The following CSF2RA variants were observed in gnomAD, a reference collection of about 807,000 sequenced individuals.
CSF2RA encodes the protein colony stimulating factor 2 receptor subunit alpha.
In CSF2RA, 42 loss-of-function variants were observed where a neutral mutation model predicts 51.6. The observed-to-expected ratio is 0.81, with a 90% CI of 0.64 to 1.05. CSF2RA has a LOEUF of 1.05. CSF2RA is among the 50% of genes least tolerant of loss of function. The pLI is 0.00. For missense variants in CSF2RA, 530 were observed against 501.1 expected (o/e 1.06, Z -0.55); for synonymous variants, 222 against 193.0 (o/e 1.15, Z -1.24).
chrX:1,315,415 G>C, the CSF2RA span, among the ~76,000 whole-genome samples: 6 of 151,844 alleles, frequency 4.0e-5, no homozygotes, highest in African/African-American at 1.5e-4. Flanking sequence ...ATTTTATTTT[G>C]TTTTAAGAGA....
downstream of CSF2RA, chrX:1,310,344 A>G (rs1263253650): frequency 1.4e-5 from 2 of 147,784 alleles, no homozygotes; most frequent in Admixed American, 7.0e-5. Flanking sequence ...CCTGGGCAAC[A>G]AGAGCAAAAC....
chrX:1,300,709 G>T, intron 10 of CSF2RA, 83 bp downstream of exon 10: 1 of 1,581,328 alleles, frequency 6.3e-7, no homozygotes, highest in East Asian at 2.2e-5. Context: ...GCTCTGTCCT[G>T]GGCGCTGAGA....
chrX:1,308,789 C>T (rs1443889210), intron 12 of CSF2RA, among the ~76,000 whole-genome samples: 10 of 152,136 alleles, frequency 6.6e-5, no homozygotes, highest in African/African-American at 2.2e-4. Context: ...TTCAACCTTC[C>T]CTTCTCTGAG....
At chrX:1,314,967 A>ACGGCAC (rs1569515159), downstream of CSF2RA, among the ~76,000 whole-genome samples, 268 of 105,286 alleles carry the variant, frequency 2.5e-3, 43 homozygotes, top group East Asian at 0.035. Context: ...GCCCAACCCC[A>ACGGCAC]CTGTGCCTGC....
intron 4 of CSF2RA, among the ~76,000 whole-genome samples, chrX:1,286,609 C>T (rs374922208): frequency 5.9e-5 from 9 of 151,754 alleles, no homozygotes; most frequent in South Asian, 2.1e-4. Flanking sequence ...TAAATAAAAG[C>T]GAGAGGGCCA....
intron 7 of CSF2RA, 35 bp downstream of exon 7, chrX:1,290,544 T>C (rs1210499947): frequency 1.9e-6 from 3 of 1,602,496 alleles, no homozygotes; most frequent in Admixed American, 1.7e-5. Flanking sequence ...CTATTGTTTA[T>C]AGGTGAAATG....
rs758057663 is a variant in CSF2RA at position 1,288,643 on chromosome X, G to A, written c.343+1G>A. 3 of 1,613,806 alleles carry A rather than the reference G, an allele frequency of 1.9e-6. No individual in the cohort carries two copies. Among genetic ancestry groups the A allele is most frequent in the South Asian group, 2.2e-5 (2 of 91,074 alleles). On this transcript the variant is annotated splice_donor_variant, in intron 5 of 12. Transcript: ENST00000381529. LOFTEE classifies it high-confidence loss of function. Reference sequence around the variant, plus strand: ...CAGAAACTGCTTTATCCAAATTCAGGTAAGCAAGACAGCTCAGGGATCCGT... The same window carrying A: ...CAGAAACTGCTTTATCCAAATTCAGATAAGCAAGACAGCTCAGGGATCCGT...
chrX:1,290,304 T>C, intron 6 of CSF2RA, 33 bp from the exon 7 acceptor site: 6 of 1,571,736 alleles, frequency 3.8e-6, no homozygotes, highest in Non-Finnish European at 5.3e-6. Context: ...TTTGTTTTCC[T>C]GATTGCTCTC....
chrX:1,314,463 GCCCAACCCCAATGCACCTA>G (rs1259916655), downstream of CSF2RA, among the ~76,000 whole-genome samples: 420 of 145,700 alleles, frequency 2.9e-3, 16 homozygotes, highest in East Asian at 0.021. Flanking sequence ...CACTGCACCT[GCCCAACCCCAATGCACCTA>G]CCCAACCCCA....
chrX:1,282,904 A>C, intron 3 of CSF2RA, 125 bp downstream of exon 3: 1 of 869,136 alleles, frequency 1.2e-6, no homozygotes, highest in Admixed American at 1.7e-5. Flanking sequence ...GGACCCAATA[A>C]GCACCAGCCA....
the CSF2RA span, among the ~76,000 whole-genome samples, chrX:1,319,802 C>T: frequency 2.0e-5 from 3 of 149,342 alleles, no homozygotes; most frequent in East Asian, 4.0e-4. Flanking sequence ...GCAACCTCTG[C>T]CTCCCAGGTT....
the CSF2RA span, among the ~76,000 whole-genome samples, chrX:1,323,376 T>A: frequency 3.4e-4 from 51 of 151,834 alleles, no homozygotes; most frequent in Non-Finnish European, 6.0e-4. Flanking sequence ...TGGCCCCAGT[T>A]CCTGTTATTA....
At chrX:1,316,312 AG>A in the CSF2RA span, among the ~76,000 whole-genome samples, 14 of 152,126 alleles carry the variant, frequency 9.2e-5, no homozygotes, top group Admixed American at 9.2e-4. Context: ...ATAGACAGAC[AG>A]ACAGACAGAG....
At chrX:1,283,358 T>C (rs1176935037) in intron 3 of CSF2RA, among the ~76,000 whole-genome samples, 2 of 148,120 alleles carry the variant, frequency 1.4e-5, no homozygotes, top group African/African-American at 2.5e-5. Context: ...TTTCCTTCTT[T>C]CCTTCCTTCT....
At position 1,309,404 on chromosome X, in the gene CSF2RA, C is replaced by A; in HGVS notation, c.1128C>A (p.Ile376=). 8 of 1,613,916 alleles carry A rather than the reference C, an allele frequency of 5.0e-6. No homozygotes were observed. Among genetic ancestry groups the A allele is most frequent in the Non-Finnish European group, 5.9e-6 (7 of 1,179,828 alleles). Residue 376 remains isoleucine, a splice_region_variant and synonymous_variant, in exon 13 of 13, where the codon ATC becomes ATA. Transcript: ENST00000381529. ...LNDNHEVEDE[I]IWEEFTPEEG... ...GCCTGAACCCTCCTTTTTCTCAGATCATCTGGGAGGAATTCACCCCAGAGG... is the reference window on the plus strand; with the variant it reads ...GCCTGAACCCTCCTTTTTCTCAGATAATCTGGGAGGAATTCACCCCAGAGG...
chrX:1,319,255 C>G, the CSF2RA span, among the ~76,000 whole-genome samples: 2 of 149,920 alleles, frequency 1.3e-5, no homozygotes, highest in Admixed American at 6.7e-5. Context: ...CTCGGCCTCC[C>G]AAAGTGCTGG....
intron 2 of CSF2RA, 25 bp from the exon 3 acceptor site, chrX:1,282,653 C>G: frequency 6.6e-7 from 1 of 1,521,540 alleles, no homozygotes; most frequent in Non-Finnish European, 9.1e-7. Context: ...AACCTTCTCA[C>G]TGTGTGATAT....
chrX:1,299,967 C>G (rs1226550352), intron 9 of CSF2RA, among the ~76,000 whole-genome samples: 1 of 151,896 alleles, frequency 6.6e-6, no homozygotes, highest in Non-Finnish European at 1.5e-5. Context: ...CCTGTAATCC[C>G]AGCACTTTGT....
chrX:1,307,040 A>G (rs1422328553), intron 12 of CSF2RA, among the ~76,000 whole-genome samples: 259 of 151,602 alleles, frequency 1.7e-3, no homozygotes, highest in Non-Finnish European at 3.1e-3. Context: ...AGGGTGAACA[A>G]GGGCGAGGAA....
Sources: gnomAD v4.1 joint callset for allele counts (sites outside exome capture counted in the v4.1 genomes callset) on GRCh38, gnomAD v4.1.1 for gene constraint, MANE v1.5 for transcripts, NCBI Gene and HGNC (gene_info 2026-07-23, HGNC 2026-07-21) for gene names.